OR14C36: variants seen among roughly 807,000 people sequenced by gnomAD.
The protein encoded by OR14C36 is olfactory receptor 14C36.
For synonymous variants in OR14C36, 142 were observed against 146.8 expected (o/e 0.97, Z 0.24); for missense variants, 404 against 384.8 (o/e 1.05, Z -0.42).
At position 248,348,940 on chromosome 1, in the gene OR14C36, C is replaced by T. The variant is rs1418297324; in HGVS notation, c.166C>T (p.Pro56Ser). The T allele has an allele frequency of 5.6e-6, 9 of 1,613,544 alleles. No homozygotes were observed. The highest frequency in any genetic ancestry group is 1.7e-5 in the Admixed American group (1 of 59,884). ...CACCTGTGACAGCAGCCTTCACATGCCCATGTACTTCTTCCTCAGGAATCT... is the reference window on the plus strand; with the variant it reads ...CACCTGTGACAGCAGCCTTCACATGTCCATGTACTTCTTCCTCAGGAATCT... The part of the protein sequence containing the change: ...VTTCDSSLHM[P>S]MYFFLRNLSI... Residue 56 changes from proline (P) to serine (S), a missense_variant, in exon 1 of 1, where the codon CCC (proline) becomes TCC (serine). Coordinates refer to ENST00000317861, the MANE Select transcript of OR14C36 (RefSeq NM_001001918.1).
At position 248,349,058 on chromosome 1, in the gene OR14C36, G is replaced by A. The variant is rs1313341522; in HGVS notation, c.284G>A (p.Cys95Tyr). ...AGCACCACCATTTCTAAGGCGGGAT[G>A]TGTAGCTCAGGTCTTCCTCGTGGTT... ...LDSTTISKAGCVAQVFLVVFF... is the reference protein window; with the variant it reads ...LDSTTISKAGYVAQVFLVVFF... The change falls in exon 1 of 1, where the codon TGT (cysteine) becomes TAT (tyrosine). Residue 95 changes from cysteine to tyrosine, a missense_variant. Coordinates refer to ENST00000317861, the MANE Select transcript of OR14C36 (RefSeq NM_001001918.1). 1.2e-6 allele frequency: 2 copies of A among 1,613,900 alleles called. No homozygotes were observed. Among genetic ancestry groups the A allele is most frequent in the Non-Finnish European group, 8.5e-7 (1 of 1,180,000 alleles).
At chr1:248,349,576 C>T in the OR14C36 span, 2 of 1,613,958 alleles carry the variant, frequency 1.2e-6, no homozygotes, top group African/African-American at 2.7e-5. Context: ...TGCAGCCACC[C>T]AGGATCTGAT....
In OR14C36 at chr1:248,349,010, C is replaced by T. The variant is rs2103053481; in HGVS notation, c.236C>T (p.Ser79Leu). 1 of 1,613,848 alleles carries T rather than the reference C, an allele frequency of 6.2e-7. No homozygotes were observed. The highest frequency in any genetic ancestry group is 2.2e-5 in the East Asian group (1 of 44,886). The change falls in exon 1 of 1, where the codon TCA becomes TTA. Residue 79 changes from serine (S) to leucine (L), a missense_variant. Transcript: ENST00000317861. ...TACATTTCTGTTACAGTCCCTACCTCATGTGTCAATTCCCTACTGGACAGC... is the reference window on the plus strand; with the variant it reads ...TACATTTCTGTTACAGTCCCTACCTTATGTGTCAATTCCCTACTGGACAGC... ...ACYISVTVPT[S>L]CVNSLLDSTT...
At position 248,349,611 on chromosome 1, in the gene OR14C36, G is replaced by T. The variant is rs766721533; in HGVS notation, c.837G>T (p.Met279Ile). 18 of 1,613,702 alleles carry T rather than the reference G, an allele frequency of 1.1e-5. No homozygotes were observed. Among genetic ancestry groups the T allele is most frequent in the Non-Finnish European group, 1.5e-5 (18 of 1,179,826 alleles). ...DLILSGFYSI[M>I]PPLFNPIIYS... ...TCCTTTCTGGTTTTTATTCCATAAT[G>T]CCTCCCCTCTTTAACCCTATTATTT... Residue 279 changes from methionine (M) to isoleucine (I), a missense_variant, in exon 1 of 1, where the codon ATG (methionine) becomes ATT (isoleucine). Physicochemically the swap from Met to Ile is conservative, Grantham distance 10. Transcript: ENST00000317861.
Position 248,349,022 on chromosome 1 carries a change from C to A in OR14C36, c.248C>A (p.Ser83Tyr), listed in dbSNP as rs1240058055. The A allele has an allele frequency of 5.6e-6, 9 of 1,613,730 alleles. No individual in the cohort carries two copies. Among genetic ancestry groups the A allele is most frequent in the Middle Eastern group, 1.6e-4 (1 of 6,062 alleles). Residue 83 changes from serine (S) to tyrosine (Y), a missense_variant, in exon 1 of 1, where the codon TCC (serine) becomes TAC (tyrosine). Physicochemically the swap from Ser to Tyr is moderately radical, Grantham distance 144. Coordinates refer to ENST00000317861, the MANE Select transcript of OR14C36 (RefSeq NM_001001918.1). ...SVTVPTSCVN[S>Y]LLDSTTISKA... ...ACAGTCCCTACCTCATGTGTCAATT[C>A]CCTACTGGACAGCACCACCATTTCT...
At position 248,349,160 on chromosome 1, in the gene OR14C36, A is replaced by G. The variant is rs1358709783; in HGVS notation, c.386A>G (p.His129Arg). The change falls in exon 1 of 1, where the codon CAC (histidine) becomes CGC (arginine). Residue 129 changes from histidine to arginine, a missense_variant. By Grantham distance (29) the His-to-Arg change is conservative. Coordinates refer to ENST00000317861, the MANE Select transcript of OR14C36 (RefSeq NM_001001918.1). ...DRYVAVCQPL[H>R]YPVIVNSRIC... is the part of the protein sequence containing the mutation. ...TATGTGGCTGTCTGCCAGCCACTTC[A>G]CTACCCTGTGATCGTGAACTCTCGA... The G allele has an allele frequency of 6.2e-7, 1 of 1,613,706 alleles. No homozygotes were observed.
Position 248,349,132 on chromosome 1 carries a change from C to T in OR14C36, c.358C>T (p.Arg120Cys), listed in dbSNP as rs748411430. ...LLFLTIMAHDRYVAVCQPLHY... is the reference protein window; with the variant it reads ...LLFLTIMAHDCYVAVCQPLHY... ...GTTTCTCACCATTATGGCTCATGAC[C>T]GCTATGTGGCTGTCTGCCAGCCACT... The change falls in exon 1 of 1, where the codon CGC becomes TGC. Residue 120 changes from arginine (R) to cysteine (C), a missense_variant. Coordinates refer to ENST00000317861, the MANE Select transcript of OR14C36 (RefSeq NM_001001918.1). 1.6e-5 allele frequency: 26 copies of T among 1,613,706 alleles called. No individual in the cohort carries two copies. The South Asian group carries it at 1.6e-4, about 10-fold the overall frequency.
At position 248,349,219 on chromosome 1, in the gene OR14C36, A is replaced by G; in HGVS notation, c.445A>G (p.Ser149Gly). The G allele has an allele frequency of 1.2e-6, 2 of 1,613,840 alleles. No homozygotes were observed. The highest frequency in any genetic ancestry group is 1.7e-6 in the Non-Finnish European group (2 of 1,179,962). ...CCAGATGACACTGGCCTCCCTACTC[A>G]GTGGTCTTGTCTATGCAGGCATGCA... ...CIQMTLASLL[S>G]GLVYAGMHTG... The change falls in exon 1 of 1, where the codon AGT becomes GGT. Residue 149 changes from serine to glycine, a missense_variant. Coordinates refer to ENST00000317861, the MANE Select transcript of OR14C36 (RefSeq NM_001001918.1).
chr1:248,349,103 T>C lies in OR14C36; in HGVS notation c.329T>C (p.Leu110Pro). 2 of 1,613,904 alleles carry C rather than the reference T, an allele frequency of 1.2e-6. No homozygotes were observed. Among genetic ancestry groups the C allele is most frequent in the Non-Finnish European group, 1.7e-6 (2 of 1,179,968 alleles). Residue 110 changes from leucine to proline, a missense_variant, in exon 1 of 1, where the codon CTT becomes CCT. Coordinates refer to ENST00000317861, the MANE Select transcript of OR14C36 (RefSeq NM_001001918.1). Reference sequence around the variant, plus strand: ...GTGGTTTTTTTTGTATATGTGGAGCTTCTGTTTCTCACCATTATGGCTCAT... The same window carrying C: ...GTGGTTTTTTTTGTATATGTGGAGCCTCTGTTTCTCACCATTATGGCTCAT... ...FLVVFFVYVE[L>P]LFLTIMAHDR... is the part of the protein sequence containing the mutation.
In OR14C36 at chr1:248,348,781, A is replaced by G. The variant is rs767593528; in HGVS notation, c.7A>G (p.Asn3Asp). The part of the protein sequence containing the change: MP[N>D]STTVMEFLLM... The stretch of plus-strand genomic sequence containing the variant: ...CAAGCTTCATCATCCACCGATGCCC[A>G]ATTCAACCACCGTGATGGAATTTCT... Residue 3 changes from asparagine to aspartate, a missense_variant, in exon 1 of 1, where the codon AAT becomes GAT. By Grantham distance (23) the Asn-to-Asp change is conservative. Coordinates refer to ENST00000317861, the MANE Select transcript of OR14C36 (RefSeq NM_001001918.1). The G allele has an allele frequency of 2.9e-5, 45 of 1,575,812 alleles. No homozygotes were observed. In the Middle Eastern group the frequency reaches 5.1e-4, roughly 18 times the overall value.
In OR14C36 at chr1:248,349,019, A is replaced by G. The variant is rs371133476; in HGVS notation, c.245A>G (p.Asn82Ser). 5.6e-6 allele frequency: 9 copies of G among 1,613,388 alleles called. No individual in the cohort carries two copies. Among genetic ancestry groups the G allele is most frequent in the Non-Finnish European group, 6.8e-6 (8 of 1,179,932 alleles). Residue 82 changes from asparagine to serine, a missense_variant, in exon 1 of 1, where the codon AAT becomes AGT. Transcript: ENST00000317861. ...ISVTVPTSCV[N>S]SLLDSTTISK... ...GTTACAGTCCCTACCTCATGTGTCA[A>G]TTCCCTACTGGACAGCACCACCATT...
Position 248,349,207 on chromosome 1 carries a change from G to C in OR14C36, c.433G>C (p.Ala145Pro). 6.2e-7 allele frequency: 1 copy of C among 1,613,866 alleles called. No individual in the cohort carries two copies. Among genetic ancestry groups the C allele is most frequent in the Non-Finnish European group, 8.5e-7 (1 of 1,179,982 alleles). The part of the protein sequence containing the change: ...NSRICIQMTL[A>P]SLLSGLVYAG... ...TCGAATCTGCATCCAGATGACACTG[G>C]CCTCCCTACTCAGTGGTCTTGTCTA... The change falls in exon 1 of 1, where the codon GCC (alanine) becomes CCC (proline). Residue 145 changes from alanine to proline, a missense_variant. Transcript: ENST00000317861.
chr1:248,349,561 A>G lies in OR14C36; in HGVS notation c.787A>G (p.Ile263Val). ...TTCTGTGTACCTCAGGCCACCTGCG[A>G]TACCTGCAGCCACCCAGGATCTGAT... ...CSSVYLRPPA[I>V]PAATQDLILS... Residue 263 changes from isoleucine (I) to valine (V), a missense_variant, in exon 1 of 1, where the codon ATA becomes GTA. Physicochemically the swap from Ile to Val is conservative, Grantham distance 29. Transcript: ENST00000317861. The G allele has an allele frequency of 6.2e-7, 1 of 1,614,082 alleles. No homozygotes were observed. The highest frequency in any genetic ancestry group is 8.5e-7 in the Non-Finnish European group (1 of 1,179,988).
Position 248,348,871 on chromosome 1 carries a change from T to G in OR14C36, c.97T>G (p.Tyr33Asp), listed in dbSNP as rs917019668. 1.9e-6 allele frequency: 3 copies of G among 1,613,740 alleles called. No homozygotes were observed. The highest frequency in any genetic ancestry group is 2.5e-6 in the Non-Finnish European group (3 of 1,179,880). The change falls in exon 1 of 1, where the codon TAT becomes GAT. Residue 33 changes from tyrosine (Y) to aspartate (D), a missense_variant. Coordinates refer to ENST00000317861, the MANE Select transcript of OR14C36 (RefSeq NM_001001918.1). ...ACATTCTGCATCCTTCTTTATGTTGTATTTGGTAACTCTAATGGGAAACAT... is the reference window on the plus strand; with the variant it reads ...ACATTCTGCATCCTTCTTTATGTTGGATTTGGTAACTCTAATGGGAAACAT... ...ILHSASFFML[Y>D]LVTLMGNILI...
chr1:248,349,149 C>A, the OR14C36 span: 1 of 1,613,778 alleles, frequency 6.2e-7, no homozygotes, highest in Non-Finnish European at 8.5e-7. Flanking sequence ...TGGCTGTCTG[C>A]CAGCCACTTC....
In OR14C36 at chr1:248,348,913, A is replaced by G; in HGVS notation, c.139A>G (p.Thr47Ala). 2 of 1,613,372 alleles carry G rather than the reference A, an allele frequency of 1.2e-6. No homozygotes were observed. Among genetic ancestry groups the G allele is most frequent in the African/African-American group, 1.3e-5 (1 of 74,808 alleles). ...LMGNILIVTV[T>A]TCDSSLHMPM... Reference sequence around the variant, plus strand: ...GGGAAACATCCTCATTGTGACCGTCACCACCTGTGACAGCAGCCTTCACAT... The same window carrying G: ...GGGAAACATCCTCATTGTGACCGTCGCCACCTGTGACAGCAGCCTTCACAT... Residue 47 changes from threonine (T) to alanine (A), a missense_variant, in exon 1 of 1, where the codon ACC (threonine) becomes GCC (alanine). By Grantham distance (58) the Thr-to-Ala change is moderately conservative. Transcript: ENST00000317861.
rs762744144 is a variant in OR14C36 at position 248,348,918 on chromosome 1, C to T, written c.144C>T (p.Thr48=). ...MGNILIVTVT[T]CDSSLHMPMY... The stretch of plus-strand genomic sequence containing the variant: ...ACATCCTCATTGTGACCGTCACCAC[C>T]TGTGACAGCAGCCTTCACATGCCCA... The change falls in exon 1 of 1, where the codon ACC becomes ACT. Residue 48 remains threonine, a synonymous_variant. Coordinates refer to ENST00000317861, the MANE Select transcript of OR14C36 (RefSeq NM_001001918.1). The T allele has an allele frequency of 3.1e-6, 5 of 1,613,642 alleles. No individual in the cohort carries two copies. Among genetic ancestry groups the T allele is most frequent in the Non-Finnish European group, 4.2e-6 (5 of 1,179,892 alleles).
chr1:248,349,418 C>T lies in OR14C36; in HGVS notation c.644C>T (p.Ser215Phe). 1.2e-6 allele frequency: 2 copies of T among 1,614,094 alleles called. No individual in the cohort carries two copies. Among genetic ancestry groups the T allele is most frequent in the Non-Finnish European group, 1.7e-6 (2 of 1,180,008 alleles). ...GGCTGTTTCATCTTTATCATCAGGT[C>T]TTACATTCACATCTTTTCGACCGTG... ...GGGCFIFIIR[S>F]YIHIFSTVLG... The change falls in exon 1 of 1, where the codon TCT becomes TTT. Residue 215 changes from serine (S) to phenylalanine (F), a missense_variant. Transcript: ENST00000317861.
chr1:248,349,479 C>T lies in OR14C36; in HGVS notation c.705C>T (p.Ala235=), dbSNP rs759165430. The change falls in exon 1 of 1, where the codon GCC becomes GCT. Residue 235 remains alanine (A), a synonymous_variant. Transcript: ENST00000317861. ...GFPRGADRTK[A]FSTCIPHILV... ...CAAGAGGAGCAGACAGAACAAAGGC[C>T]TTTTCCACCTGCATCCCTCACATCC... 2 of 1,613,836 alleles carry T rather than the reference C, an allele frequency of 1.2e-6. No homozygotes were observed. The highest frequency in any genetic ancestry group is 1.6e-4 in the Middle Eastern group (1 of 6,084).
Sources: gnomAD v4.1 joint callset for allele counts on GRCh38, gnomAD v4.1.1 for gene constraint, MANE v1.5 for transcripts, NCBI Gene and HGNC (gene_info 2026-07-23, HGNC 2026-07-21) for gene names.